Variants in RIMS2 observed in about 807,000 individuals in gnomAD.
The protein encoded by RIMS2 is regulating synaptic membrane exocytosis protein 2.
A neutral mutation model predicts 174.4 loss-of-function variants in RIMS2; 59 were observed. The ratio of observed to expected loss-of-function variants is 0.34; its 90% confidence interval spans 0.27 to 0.42. The LOEUF is 0.42. RIMS2 is among the 10% of genes least tolerant of loss of function. The pLI is 1.00. For synonymous variants in RIMS2, 606 were observed against 572.5 expected, an observed-to-expected ratio of 1.06 and a Z score of -0.84; for missense variants, 1,620 against 1,666.3, an observed-to-expected ratio of 0.97 and a Z score of 0.48.
chr8:103,596,899 G>C (rs2094498674), intron 1 of RIMS2, among the ~76,000 whole-genome samples: 1 of 151,870 alleles, frequency 6.6e-6, no homozygotes, highest in African/African-American at 2.4e-5. Flanking sequence ...GAGCTCTATT[G>C]GAAATAATTT....
At chr8:103,592,677 G>C (rs1198357583) in intron 1 of RIMS2, among the ~76,000 whole-genome samples, 3 of 151,174 alleles carry the variant, frequency 2.0e-5, no homozygotes, top group African/African-American at 7.3e-5. Context: ...TGCTTTTTAT[G>C]GTTTTTTATA....
intron 1 of RIMS2, among the ~76,000 whole-genome samples, chr8:103,547,331 A>C (rs1319002700): frequency 1.3e-5 from 2 of 152,218 alleles, no homozygotes; most frequent in African/African-American, 4.8e-5. Context: ...TGAATAAATG[A>C]GTGAATGAAG....
intron 1 of RIMS2, chr8:103,568,513 A>G (rs2092558395): frequency 6.0e-6 from 2 of 334,940 alleles, no homozygotes; most frequent in South Asian, 7.2e-5. Flanking sequence ...TGTTGGAACA[A>G]TCCTTTTCTC....
chr8:103,579,053 A>G (rs1435821360), intron 1 of RIMS2, among the ~76,000 whole-genome samples: 1 of 152,144 alleles, frequency 6.6e-6, no homozygotes, highest in Non-Finnish European at 1.5e-5. Context: ...GGAGAGAGAA[A>G]GTCTTTCCCA....
At chr8:103,612,454 A>G (rs1244781954) in intron 1 of RIMS2, among the ~76,000 whole-genome samples, 1 of 152,184 alleles carries the variant, frequency 6.6e-6, no homozygotes, top group Non-Finnish European at 1.5e-5. Context: ...AGGTATTTGA[A>G]TGGACATGGG....
chr8:104,050,120 A>G (rs1370429772), intron 19 of RIMS2, among the ~76,000 whole-genome samples: 7 of 152,174 alleles, frequency 4.6e-5, no homozygotes, highest in Admixed American at 3.9e-4. Context: ...ATTATATGGT[A>G]TATTAAACTG....
intron 19 of RIMS2, among the ~76,000 whole-genome samples, chr8:104,096,324 A>C (rs2097761960): frequency 1.3e-5 from 2 of 152,216 alleles, no homozygotes; most frequent in Non-Finnish European, 2.9e-5. Flanking sequence ...AGATTCAGAG[A>C]AGACTATAAC....
intron 13 of RIMS2, among the ~76,000 whole-genome samples, chr8:103,941,936 A>T (rs1270648511): frequency 6.6e-6 from 1 of 152,220 alleles, no homozygotes; most frequent in African/African-American, 2.4e-5. Flanking sequence ...TTTAATAATT[A>T]TGACAGAGAA....
At chr8:103,905,930 T>G (rs1464223418) in intron 4 of RIMS2, among the ~76,000 whole-genome samples, 1 of 152,122 alleles carries the variant, frequency 6.6e-6, no homozygotes, top group African/African-American at 2.4e-5. Context: ...AATTTTTTAG[T>G]TCTAAAATTT....
intron 1 of RIMS2, among the ~76,000 whole-genome samples, chr8:103,505,167 A>G (rs1822828425): frequency 6.6e-6 from 1 of 151,832 alleles, no homozygotes; most frequent in Admixed American, 6.6e-5. Flanking sequence ...TTTCTTAGCT[A>G]CCTATTTCCC....
At chr8:103,851,152 A>T (rs1246854413) in intron 3 of RIMS2, among the ~76,000 whole-genome samples, 1 of 151,986 alleles carries the variant, frequency 6.6e-6, no homozygotes, top group Non-Finnish European at 1.5e-5. Flanking sequence ...TTCATGAAGT[A>T]ACATGGAAGA....
intron 3 of RIMS2, among the ~76,000 whole-genome samples, chr8:103,815,435 C>T (rs1328903663): frequency 6.6e-6 from 1 of 152,136 alleles, no homozygotes; most frequent in Non-Finnish European, 1.5e-5. Context: ...AGTTCCTTAA[C>T]ACTTCTTCTG....
chr8:103,549,721 G>C (rs1846785365), intron 1 of RIMS2, among the ~76,000 whole-genome samples: 1 of 152,112 alleles, frequency 6.6e-6, no homozygotes, highest in Non-Finnish European at 1.5e-5. Context: ...GTATTCAGGA[G>C]ACCCATCTCA....
At chr8:104,203,336 C>T (rs2099063869) in intron 19 of RIMS2, among the ~76,000 whole-genome samples, 1 of 151,900 alleles carries the variant, frequency 6.6e-6, no homozygotes, top group African/African-American at 2.4e-5. Context: ...CTAGTTATGT[C>T]GTGTCTCATA....
intron 2 of RIMS2, among the ~76,000 whole-genome samples, chr8:103,701,824 C>A (rs917724171): frequency 1.3e-5 from 2 of 151,974 alleles, no homozygotes; most frequent in African/African-American, 4.8e-5. Context: ...TTTTAGAATC[C>A]TTTCATCTGT....
chr8:103,743,563 A>ATTTC (rs10647261), intron 2 of RIMS2, among the ~76,000 whole-genome samples: 118,531 of 151,676 alleles, frequency 0.78, 46,653 homozygotes, highest in East Asian at 0.88. Flanking sequence ...TAGCATCTAT[A>ATTTC]TTTATTACTT....
intron 19 of RIMS2, among the ~76,000 whole-genome samples, chr8:104,057,691 T>C (rs1425943013): frequency 6.7e-6 from 1 of 150,186 alleles, no homozygotes; most frequent in Non-Finnish European, 1.5e-5. Context: ...TAGCATTAGG[T>C]ATATCTCCTA....
chr8:103,866,851 ACT>A (rs2099086839), intron 3 of RIMS2, among the ~76,000 whole-genome samples: 1 of 151,614 alleles, frequency 6.6e-6, no homozygotes, highest in African/African-American at 2.4e-5. Context: ...CGCTTTTGTG[ACT>A]CTTATTTTAT....
At chr8:104,148,459 A>T in intron 19 of RIMS2, 148 bp from the exon 25 acceptor site, 2 of 715,556 alleles carry the variant, frequency 2.8e-6, no homozygotes, top group Non-Finnish European at 4.4e-6. Context: ...CACAATCAAG[A>T]CCATGGTATT....
Sources: gnomAD v4.1 joint callset for allele counts (sites outside exome capture counted in the v4.1 genomes callset) on GRCh38, gnomAD v4.1.1 for gene constraint, MANE v1.5 for transcripts, NCBI Gene and HGNC (gene_info 2026-07-23, HGNC 2026-07-21) for gene names.